Variants in APBB2 observed in about 807,000 individuals in gnomAD.
The protein encoded by APBB2 is Fe65-like 1.
Under a neutral mutation model 82.5 loss-of-function variants are expected in APBB2, and 38 were observed. That is an observed-to-expected ratio of 0.46 (90% CI 0.36 to 0.60). APBB2 has a LOEUF of 0.60. APBB2 is among the 20% of genes least tolerant of loss of function. APBB2 has a pLI of 0.00. For missense variants in APBB2, 772 were observed against 972.3 expected (o/e 0.79, Z 2.74); for synonymous variants, 341 against 368.2 (o/e 0.93, Z 0.85).
At chr4:40,901,866 A>G (rs16852604) in intron 10 of APBB2, among the ~76,000 whole-genome samples, 5,808 of 151,754 alleles carry the variant, frequency 0.038, 360 homozygotes, top group African/African-American at 0.13. Flanking sequence ...TCCATGGATG[A>G]GCTTCAGGAA....
chr4:40,963,874 T>C (rs1391426859), intron 6 of APBB2, among the ~76,000 whole-genome samples: 1 of 152,172 alleles, frequency 6.6e-6, no homozygotes, highest in Non-Finnish European at 1.5e-5. Flanking sequence ...ATGAATGAAC[T>C]GAGTGCATTT....
chr4:41,111,582 G>A (rs1202955901), intron 2 of APBB2, among the ~76,000 whole-genome samples: 1 of 152,062 alleles, frequency 6.6e-6, no homozygotes, highest in Non-Finnish European at 1.5e-5. Flanking sequence ...TCTTCTTTCT[G>A]CTTTTCTGTA....
At chr4:40,956,695 T>A (rs1000501288) in intron 6 of APBB2, among the ~76,000 whole-genome samples, 10 of 152,180 alleles carry the variant, frequency 6.6e-5, no homozygotes, top group Non-Finnish European at 7.3e-5. Flanking sequence ...CATTAAAAAA[T>A]TAATGTTAAG....
At chr4:41,023,460 G>A (rs1012028295) in intron 5 of APBB2, among the ~76,000 whole-genome samples, 6 of 151,732 alleles carry the variant, frequency 4.0e-5, no homozygotes, top group African/African-American at 9.7e-5. Flanking sequence ...AAGCTCTTTC[G>A]GCTGATAAAC....
At chr4:40,913,343 T>G (rs1037398799) in intron 10 of APBB2, among the ~76,000 whole-genome samples, 1 of 152,242 alleles carries the variant, frequency 6.6e-6, no homozygotes, top group Non-Finnish European at 1.5e-5. Context: ...TAACAACTGT[T>G]TGCCGTAAGC....
intron 2 of APBB2, among the ~76,000 whole-genome samples, chr4:41,128,003 C>T (rs950566390): frequency 7.2e-5 from 11 of 152,008 alleles, no homozygotes; most frequent in African/African-American, 2.7e-4. Context: ...TCGCTTGAAC[C>T]CAGGAGGCGG....
chr4:41,173,882 TGTATAA>T (rs1769021352), intron 1 of APBB2, among the ~76,000 whole-genome samples: 1 of 152,180 alleles, frequency 6.6e-6, no homozygotes, highest in Admixed American at 6.5e-5. Flanking sequence ...GATGCATGAC[TGTATAA>T]GTATTATATG....
In APBB2 at chr4:41,090,220, T is replaced by C. The variant is rs146703610; in HGVS notation, c.-149+10419A>G. On this transcript the variant is annotated intron_variant, in intron 3 of 17. Transcript: ENST00000508593. ...ACAGAATCTTTCTTCTAAGAAGTTA[T>C]ATTCTTTTACTTTCTACTTAAGAAA... 8.4e-3 allele frequency among the ~76,000 whole-genome samples: 1,279 copies of C among 152,318 alleles called. 16 individuals are homozygous for C. The highest frequency in any genetic ancestry group is 0.028 in the African/African-American group (1,153 of 41,560).
At chr4:40,992,804 G>T (rs1000247438) in intron 6 of APBB2, among the ~76,000 whole-genome samples, 6 of 152,130 alleles carry the variant, frequency 3.9e-5, no homozygotes, top group Non-Finnish European at 8.8e-5. Flanking sequence ...TAAGACCGAG[G>T]CTCATGGGCA....
intron 10 of APBB2, among the ~76,000 whole-genome samples, chr4:40,914,643 T>C (rs2154364717): frequency 6.6e-6 from 1 of 152,290 alleles, no homozygotes; most frequent in East Asian, 1.9e-4. Context: ...ACTGATCAGG[T>C]GATGAAAATG....
chr4:40,875,339 A>G (rs932833817), intron 12 of APBB2, among the ~76,000 whole-genome samples: 1 of 152,232 alleles, frequency 6.6e-6, no homozygotes, highest in Non-Finnish European at 1.5e-5. Context: ...GTCACAGTAG[A>G]GCAACACTTA....
intron 12 of APBB2, among the ~76,000 whole-genome samples, chr4:40,878,609 T>C (rs1767538975): frequency 6.6e-6 from 1 of 152,190 alleles, no homozygotes; most frequent in African/African-American, 2.4e-5. Flanking sequence ...CAAATGTTTC[T>C]TCCTCTTTGG....
chr4:41,040,969 C>T (rs1273251543), intron 4 of APBB2, among the ~76,000 whole-genome samples: 1 of 152,194 alleles, frequency 6.6e-6, no homozygotes, highest in East Asian at 1.9e-4. Context: ...CAAGCTCCGC[C>T]TCCCGAGTTC....
intron 6 of APBB2, among the ~76,000 whole-genome samples, chr4:40,997,895 G>T (rs1206377407): frequency 6.6e-6 from 1 of 152,144 alleles, no homozygotes; most frequent in African/African-American, 2.4e-5. Context: ...TGCTTCCATG[G>T]CATACTGAAG....
intron 6 of APBB2, among the ~76,000 whole-genome samples, chr4:40,957,426 T>TTTGAGTA (rs113285236): frequency 0.044 from 6,767 of 152,210 alleles, 482 homozygotes; most frequent in African/African-American, 0.15. Flanking sequence ...AACACACTTG[T>TTTGAGTA]TTGAGTACAT....
intron 1 of APBB2, among the ~76,000 whole-genome samples, chr4:41,175,090 G>A (rs1466529848): frequency 6.6e-6 from 1 of 152,146 alleles, no homozygotes; most frequent in Non-Finnish European, 1.5e-5. Flanking sequence ...TTAGCCTCAA[G>A]ACAAGCTTGT....
chr4:40,923,113 C>A (rs1038093535), intron 10 of APBB2, among the ~76,000 whole-genome samples: 1 of 151,668 alleles, frequency 6.6e-6, no homozygotes, highest in African/African-American at 2.4e-5. Context: ...GTAGCTGGGA[C>A]TACAGGCGCC....
intron 12 of APBB2, among the ~76,000 whole-genome samples, chr4:40,855,672 G>A (rs1760957157): frequency 6.6e-6 from 1 of 151,972 alleles, no homozygotes; most frequent in African/African-American, 2.4e-5. Flanking sequence ...GGAGGCAGAG[G>A]TTGCAGTGAG....
chr4:41,136,386 T>TAA (rs915899212), intron 2 of APBB2, among the ~76,000 whole-genome samples: 2 of 152,190 alleles, frequency 1.3e-5, no homozygotes, highest in African/African-American at 4.8e-5. Flanking sequence ...TCCAGGGACT[T>TAA]AGAGTTATAA....
Sources: allele counts gnomAD v4.1 joint callset (sites outside exome capture counted in the v4.1 genomes callset), GRCh38; gene constraint gnomAD v4.1.1; transcripts MANE v1.5; gene names NCBI Gene and HGNC (gene_info 2026-07-23, HGNC 2026-07-21).